PPP2R1B: variants seen among roughly 807,000 people sequenced by gnomAD.
PPP2R1B encodes serine/threonine-protein phosphatase 2A 65 kDa regulatory subunit A beta isoform.
A neutral mutation model predicts 72.7 loss-of-function variants in PPP2R1B; 58 were observed. That is an observed-to-expected ratio of 0.80 (90% confidence interval 0.65 to 0.99). PPP2R1B has a LOEUF of 0.99. Ranked by LOEUF, PPP2R1B falls within the 50% of genes least tolerant of loss-of-function variation. The pLI, the probability that PPP2R1B is intolerant of heterozygous loss-of-function variation, is 0.00. For synonymous variants in PPP2R1B, 256 were observed against 264.6 expected (o/e 0.97, Z 0.32); for missense variants, 695 against 733.6 (o/e 0.95, Z 0.61).
intron 9 of PPP2R1B, 111 bp from the exon 10 acceptor site, chr11:111,752,443 T>C: frequency 9.5e-7 from 1 of 1,050,000 alleles, no homozygotes; most frequent in South Asian, 2.0e-5. Context: ...GAAAAAAAAA[T>C]GGATAATCTT....
At chr11:111,731,058 G>A (rs1348789086) in intron 15 of PPP2R1B, among the ~76,000 whole-genome samples, 4 of 152,362 alleles carry the variant, frequency 2.6e-5, no homozygotes, top group South Asian at 2.1e-4. Flanking sequence ...CCGAGTACAC[G>A]TTAGCCGCTG....
the PPP2R1B span, among the ~76,000 whole-genome samples, chr11:111,709,290 C>T: frequency 6.6e-6 from 1 of 152,166 alleles, no homozygotes; most frequent in African/African-American, 2.4e-5. Context: ...ATCAGGGCCC[C>T]AACCTCAGGA....
chr11:111,707,268 G>GT, the PPP2R1B span, among the ~76,000 whole-genome samples: 1 of 152,138 alleles, frequency 6.6e-6, no homozygotes, highest in Non-Finnish European at 1.5e-5. Flanking sequence ...AGTGGTGAGG[G>GT]GTTATATAAA....
the PPP2R1B span, among the ~76,000 whole-genome samples, chr11:111,712,003 G>A: frequency 2.0e-5 from 3 of 152,188 alleles, no homozygotes; most frequent in Non-Finnish European, 4.4e-5. Context: ...AATTCTGTAC[G>A]ACCTCTTTCA....
intron 10 of PPP2R1B, among the ~76,000 whole-genome samples, chr11:111,750,680 AAAGG>A (rs1184283187): frequency 6.6e-6 from 1 of 151,952 alleles, no homozygotes; most frequent in Non-Finnish European, 1.5e-5. Flanking sequence ...CTACTCAAAA[AAAGG>A]AAAGGATGTG....
downstream of PPP2R1B, among the ~76,000 whole-genome samples, chr11:111,733,322 GTGTC>G (rs1342907596): frequency 6.6e-6 from 1 of 152,186 alleles, no homozygotes; most frequent in Non-Finnish European, 1.5e-5. Context: ...AGCCAGCACA[GTGTC>G]TGGGAGGGTG....
the PPP2R1B span, among the ~76,000 whole-genome samples, chr11:111,704,309 T>C: frequency 3.9e-5 from 6 of 152,366 alleles, no homozygotes; most frequent in South Asian, 1.2e-3. Context: ...CCATGCCGAC[T>C]GTCAGGTGGA....
the PPP2R1B span, among the ~76,000 whole-genome samples, chr11:111,711,908 C>T: frequency 6.6e-6 from 1 of 152,172 alleles, no homozygotes; most frequent in Non-Finnish European, 1.5e-5. Context: ...TTGAATTGAA[C>T]GAGGAACATT....
chr11:111,763,108 T>G (rs1175988614), intron 3 of PPP2R1B, among the ~76,000 whole-genome samples: 3 of 152,154 alleles, frequency 2.0e-5, no homozygotes, highest in African/African-American at 7.2e-5. Context: ...AGTTGAGTGG[T>G]TGGGGAAAAC....
chr11:111,726,978 T>A, exon 16 of PPP2R1B: 4 of 1,613,966 alleles, frequency 2.5e-6, no homozygotes, highest in Non-Finnish European at 3.4e-6. Context: ...GTCTGTGCTT[T>A]GGGAGAAATG....
At chr11:111,737,194 A>C (rs1316024589), downstream of PPP2R1B, among the ~76,000 whole-genome samples, 1 of 152,172 alleles carries the variant, frequency 6.6e-6, no homozygotes, top group Non-Finnish European at 1.5e-5. Context: ...AGGTGATAGG[A>C]GATGGGCCTC....
the PPP2R1B span, among the ~76,000 whole-genome samples, chr11:111,692,985 T>C: frequency 1.3e-5 from 2 of 152,130 alleles, no homozygotes; most frequent in Non-Finnish European, 2.9e-5. Context: ...TTTTAATAAA[T>C]AACAGAAACA....
chr11:111,745,437 G>A (rs12279604), intron 11 of PPP2R1B, among the ~76,000 whole-genome samples: 5,457 of 152,202 alleles, frequency 0.036, 306 homozygotes, highest in African/African-American at 0.12. Context: ...AAAAACCAGA[G>A]ACTGGGGAAC....
chr11:111,757,252 T>C (rs1555050014), intron 5 of PPP2R1B, among the ~76,000 whole-genome samples: 1 of 152,050 alleles, frequency 6.6e-6, no homozygotes, highest in African/African-American at 2.4e-5. Flanking sequence ...AGGTAAAAAA[T>C]TTTAAGTGTG....
the PPP2R1B span, among the ~76,000 whole-genome samples, chr11:111,711,121 ATTT>A: frequency 6.9e-6 from 1 of 143,930 alleles, no homozygotes; most frequent in Admixed American, 7.0e-5. Flanking sequence ...CTTTTAAATG[ATTT>A]TTTTTTTTTT....
chr11:111,751,757 C>A (rs1193459132), intron 10 of PPP2R1B, among the ~76,000 whole-genome samples: 1 of 152,196 alleles, frequency 6.6e-6, no homozygotes, highest in African/African-American at 2.4e-5. Context: ...GCGGGTGAAT[C>A]ACCTGAGGTC....
rs929254873 is a variant in PPP2R1B, at chr11:111,741,499, T to G, written c.*97A>C. 6.5e-7 allele frequency: 1 copy of G among 1,550,036 alleles called. No individual in the cohort carries two copies. The highest frequency in any genetic ancestry group is 1.4e-5 in the African/African-American group (1 of 72,532). ...TGTTGCCATTTGCTTGGATGAGATC[T>G]TGAAGGTTTTCCATTCTTTCTCCAC... On this transcript the variant is annotated 3_prime_UTR_variant, in exon 15 of 15. Coordinates refer to ENST00000527614, the MANE Select transcript of PPP2R1B (RefSeq NM_002716.5).
At chr11:111,753,313 T>A (rs145755194) in intron 9 of PPP2R1B, 130 bp downstream of exon 9, 1 of 1,274,120 alleles carries the variant, frequency 7.8e-7, no homozygotes. Flanking sequence ...ACAGGTGTCA[T>A]TGGTTTAAAA....
chr11:111,742,884 GTT>G (rs138892437), intron 12 of PPP2R1B, among the ~76,000 whole-genome samples: 3 of 142,378 alleles, frequency 2.1e-5, no homozygotes, highest in African/African-American at 5.1e-5. Context: ...TTTGTTCTTT[GTT>G]TTTTTTTTTT....
Sources: gnomAD v4.1 joint callset for allele counts (sites outside exome capture counted in the v4.1 genomes callset) on GRCh38, gnomAD v4.1.1 for gene constraint, MANE v1.5 for transcripts, NCBI Gene and HGNC (gene_info 2026-07-23, HGNC 2026-07-21) for gene names.